The following BRSK2 variants were observed in gnomAD, a reference collection of about 807,000 sequenced individuals.
BRSK2 encodes the protein serine/threonine-protein kinase BRSK2.
BRSK2 carries 19 observed loss-of-function variants against 83.3 expected under a neutral mutation model. The ratio of observed to expected loss-of-function variants is 0.23; its 90% CI spans 0.16 to 0.33. The LOEUF (loss-of-function observed/expected upper bound fraction) is 0.33, where lower values mean the gene tolerates loss of function less well. BRSK2 is among the 10% of genes least tolerant of loss of function. The probability of loss-of-function intolerance (pLI) is 1.00; values close to 1 mark genes in which losing one functional copy is unlikely to be tolerated. For synonymous variants in BRSK2, 519 were observed against 435.4 expected (o/e 1.19, Z -2.39); for missense variants, 798 against 1,042.3 (o/e 0.77, Z 3.23).
intron 18 of BRSK2, among the ~76,000 whole-genome samples, 196 bp from the exon 19 acceptor site, chr11:1,458,980 CCCCGCCTCACTCCAGG>C (rs1847027627): frequency 6.6e-6 from 1 of 152,146 alleles, no homozygotes; most frequent in Non-Finnish European, 1.5e-5. Context: ...GCCTCCGCAG[CCCCGCCTCACTCCAGG>C]CCCTGCCCCT....
intron 8 of BRSK2, 53 bp downstream of exon 8, chr11:1,443,688 G>T: frequency 1.3e-6 from 2 of 1,482,536 alleles, no homozygotes; most frequent in Non-Finnish European, 1.8e-6. Context: ...GGGCGCGGGG[G>T]CGGGCGTGTG....
rs781049550 is a variant in BRSK2 at position 1,460,460 on chromosome 11, C to CTTTT, written c.1988-40_1988-39insTTTT. ...TCTCTCCCCCTTTTTTTTCTTTTTTCCTTTTTTTTTTTTTTTTTGTCTCTG... is the reference window on the plus strand; with the variant it reads ...TCTCTCCCCCTTTTTTTTCTTTTTTCTTTTCTTTTTTTTTTTTTTTTTGTCTCTG... On this transcript the variant is annotated intron_variant, in intron 19 of 19. Coordinates refer to ENST00000528841, the MANE Select transcript of BRSK2 (RefSeq NM_001256627.2). The CTTTT allele has an allele frequency of 6.5e-5, 73 of 1,122,726 alleles. 3 individuals carry two copies. The highest frequency in any genetic ancestry group is 3.5e-4 in the African/African-American group (19 of 54,540). The allele number at this position is 1,122,726 out of a possible 1,614,324, so 69.5% of individuals were successfully genotyped here. A position where few individuals can be genotyped will look rare whatever the true frequency, so the allele number is the denominator to read the frequency against.
chr11:1,448,538 C>T (rs1852516624), intron 12 of BRSK2, among the ~76,000 whole-genome samples: 1 of 152,220 alleles, frequency 6.6e-6, no homozygotes, highest in African/African-American at 2.4e-5. Flanking sequence ...GGGCTCGGCC[C>T]CTCCACCCCG....
At chr11:1,405,836 C>T (rs923664108) in intron 1 of BRSK2, among the ~76,000 whole-genome samples, 21 of 152,124 alleles carry the variant, frequency 1.4e-4, no homozygotes, top group African/African-American at 4.8e-4. Context: ...TGGCAGTGAC[C>T]CCATCCAGCC....
intron 1 of BRSK2, among the ~76,000 whole-genome samples, chr11:1,399,031 A>G (rs938551105): frequency 2.0e-5 from 3 of 152,134 alleles, no homozygotes; most frequent in African/African-American, 4.8e-5. Context: ...CAGGGTTTGC[A>G]GGGGGGCTGC....
At chr11:1,455,645 C>A (rs576997726) in intron 16 of BRSK2, among the ~76,000 whole-genome samples, 1 of 151,838 alleles carries the variant, frequency 6.6e-6, no homozygotes, top group Non-Finnish European at 1.5e-5. Context: ...GGGTCCTCAG[C>A]GTCCCCGTCC....
intron 18 of BRSK2, 40 bp from the exon 19 acceptor site, chr11:1,459,152 T>C: frequency 6.2e-7 from 1 of 1,608,240 alleles, no homozygotes; most frequent in Non-Finnish European, 8.5e-7. Context: ...GGACAGCCTT[T>C]CACTCACTCC....
At chr11:1,395,119 C>G (rs1373751548) in intron 1 of BRSK2, among the ~76,000 whole-genome samples, 1 of 152,194 alleles carries the variant, frequency 6.6e-6, no homozygotes, top group Non-Finnish European at 1.5e-5. Flanking sequence ...TGCGAGACCC[C>G]AGGAATTCTG....
rs776848691 is a variant in BRSK2, at chr11:1,443,575, G to T, written c.720G>T (p.Pro240=). The T allele has an allele frequency of 2.6e-5, 42 of 1,610,156 alleles. No individual in the cohort carries two copies. Among genetic ancestry groups the T allele is most frequent in the Non-Finnish European group, 3.2e-5 (38 of 1,178,758 alleles). Residue 240 remains proline, a synonymous_variant, in exon 8 of 20, where the codon CCG becomes CCT. Coordinates refer to ENST00000528841, the MANE Select transcript of BRSK2 (RefSeq NM_001256627.2). ...TGTTCCACATGCCGCACTTTATCCC[G>T]CCCGACTGCCAGAGTCTGCTACGGG... ...RGVFHMPHFI[P]PDCQSLLRGM...
At chr11:1,451,106 C>T (rs1047362585) in intron 14 of BRSK2, among the ~76,000 whole-genome samples, 5 of 152,234 alleles carry the variant, frequency 3.3e-5, no homozygotes, top group East Asian at 1.9e-4. Context: ...ATGTGTGGGG[C>T]ACCAAGGGCC....
intron 1 of BRSK2, among the ~76,000 whole-genome samples, chr11:1,400,670 C>G (rs1436220254): frequency 6.6e-6 from 1 of 152,144 alleles, no homozygotes; most frequent in African/African-American, 2.4e-5. Context: ...GGGGCAGATG[C>G]CACATGGGAG....
At chr11:1,408,109 C>T (rs376486700) in intron 1 of BRSK2, among the ~76,000 whole-genome samples, 30 of 152,374 alleles carry the variant, frequency 2.0e-4, no homozygotes, top group African/African-American at 7.0e-4. Flanking sequence ...CTCTGGCCTC[C>T]CTGGGGCAAA....
rs561406598 is a variant in BRSK2 at position 1,406,244 on chromosome 11, C to CA, written c.91+15869_91+15870insA. Reference sequence around the variant, plus strand: ...CCAGCACTTTGGGAGGCCAAGGCTGCCAAGGTCAGGAGATGGAGACCATCC... The same window carrying CA: ...CCAGCACTTTGGGAGGCCAAGGCTGCACAAGGTCAGGAGATGGAGACCATCC... On this transcript the variant is annotated intron_variant, in intron 1 of 19. Transcript: ENST00000528841. Among the ~76,000 whole-genome samples, 1,365 of 152,246 alleles carry CA rather than the reference C, an allele frequency of 9.0e-3. 18 individuals carry two copies. Among genetic ancestry groups the CA allele is most frequent in the African/African-American group, 0.031 (1,270 of 41,546 alleles).
At chr11:1,405,149 C>T (rs1054842668) in intron 1 of BRSK2, among the ~76,000 whole-genome samples, 87 of 152,024 alleles carry the variant, frequency 5.7e-4, no homozygotes, top group Non-Finnish European at 9.9e-4. Context: ...GGGAGCGGCC[C>T]GGGCCAGGCT....
rs768349960 is a variant in BRSK2, at chr11:1,460,740, C to CA, written c.*17_*18insA. ...CAGCCTTAGACACACTAGCCCCCCCCCCCAGCACAGCACTGACAGCGGCTG... is the reference window on the plus strand; with the variant it reads ...CAGCCTTAGACACACTAGCCCCCCCCACCCAGCACAGCACTGACAGCGGCTG... On this transcript the variant is annotated 3_prime_UTR_variant, in exon 20 of 20. Transcript: ENST00000528841. The CA allele has an allele frequency of 1.4e-3, 1,993 of 1,415,818 alleles. 35 individuals carry two copies. The African/African-American group carries it at 0.026, about 19-fold the overall frequency. 87.7% of individuals were successfully genotyped at this position (1,415,818 alleles called of 1,614,324 possible). A position where few individuals can be genotyped will look rare whatever the true frequency, so the allele number is the denominator to read the frequency against.
chr11:1,460,396 T>G, intron 19 of BRSK2, 104 bp from the exon 20 acceptor site: 1 of 967,532 alleles, frequency 1.0e-6, no homozygotes, highest in Non-Finnish European at 1.4e-6. Flanking sequence ...TTCATTTGTT[T>G]GTTTGTTCTC....
chr11:1,407,755 G>A (rs903830385), intron 1 of BRSK2, among the ~76,000 whole-genome samples: 9 of 152,258 alleles, frequency 5.9e-5, no homozygotes, highest in East Asian at 1.9e-4. Context: ...GAAGTCTAAC[G>A]TGATCAACTG....
chr11:1,433,689 ATTAT>A (rs1849891493), intron 1 of BRSK2, among the ~76,000 whole-genome samples: 1 of 152,204 alleles, frequency 6.6e-6, no homozygotes, highest in Admixed American at 6.5e-5. Flanking sequence ...GCCGCCCTGG[ATTAT>A]GGATGAAGGG....
At chr11:1,391,072 G>T (rs1260977491) in intron 1 of BRSK2, among the ~76,000 whole-genome samples, 3 of 152,206 alleles carry the variant, frequency 2.0e-5, no homozygotes, top group Admixed American at 2.0e-4. Context: ...TCCCGGTGGG[G>T]CCTGGCTGTC....
Sources: allele counts gnomAD v4.1 joint callset (sites outside exome capture counted in the v4.1 genomes callset), GRCh38; gene constraint gnomAD v4.1.1; transcripts MANE v1.5; gene names NCBI Gene and HGNC (gene_info 2026-07-23, HGNC 2026-07-21).